The following MACROD2 variants were observed in gnomAD, a reference collection of about 807,000 sequenced individuals.
The protein encoded by MACROD2 is ADP-ribose glycohydrolase MACROD2.
MACROD2 carries 36 observed loss-of-function variants against 70.4 expected under a neutral mutation model. That is an observed-to-expected ratio of 0.51 (90% CI 0.39 to 0.68). The LOEUF (loss-of-function observed/expected upper bound fraction) is 0.68, where lower values mean the gene tolerates loss of function less well. Among genes scored for constraint, MACROD2 ranks in the 30% least tolerant of loss-of-function variants. The probability of loss-of-function intolerance (pLI) is 0.00; values close to 1 mark genes in which losing one functional copy is unlikely to be tolerated. For synonymous variants in MACROD2, 172 were observed against 178.8 expected, an observed-to-expected ratio of 0.96 and a Z score of 0.30; for missense variants, 496 against 538.4, an observed-to-expected ratio of 0.92 and a Z score of 0.78.
intron 4 of MACROD2, among the ~76,000 whole-genome samples, chr20:14,619,523 G>C: frequency 9.0e-6 from 1 of 110,858 alleles, no homozygotes; most frequent in Non-Finnish European, 2.0e-5. Context: ...AAGGAGGGAA[G>C]GAGGGAGGGA....
chr20:15,114,164 T>G (rs1192111608), intron 5 of MACROD2, among the ~76,000 whole-genome samples: 2 of 152,194 alleles, frequency 1.3e-5, no homozygotes, highest in South Asian at 2.1e-4. Context: ...TTAGCTGTCC[T>G]GCATCAGACC....
At chr20:14,979,701 TGA>T (rs1466296114) in intron 5 of MACROD2, among the ~76,000 whole-genome samples, 32 of 152,240 alleles carry the variant, frequency 2.1e-4, no homozygotes, top group Non-Finnish European at 4.4e-5. Context: ...GCTAGTTCAA[TGA>T]GTCATTTTGC....
chr20:14,830,164 G>T (rs1474417794), intron 5 of MACROD2, among the ~76,000 whole-genome samples: 2 of 152,084 alleles, frequency 1.3e-5, no homozygotes, highest in African/African-American at 4.8e-5. Context: ...CCAGAATTCA[G>T]TGAAACCTCT....
At chr20:15,743,173 A>G (rs1000758930) in intron 8 of MACROD2, among the ~76,000 whole-genome samples, 1 of 152,158 alleles carries the variant, frequency 6.6e-6, no homozygotes, top group Non-Finnish European at 1.5e-5. Context: ...CTCTGTAGCT[A>G]ACCAGGCCTG....
intron 5 of MACROD2, among the ~76,000 whole-genome samples, chr20:14,993,561 A>G (rs2074924738): frequency 6.6e-6 from 1 of 152,204 alleles, no homozygotes. Flanking sequence ...CTGAAAGCTC[A>G]TTCTATTCTT....
intron 8 of MACROD2, among the ~76,000 whole-genome samples, chr20:15,719,508 G>A (rs980810799): frequency 1.3e-5 from 2 of 152,150 alleles, no homozygotes; most frequent in African/African-American, 2.4e-5. Context: ...CCAAAAGCTT[G>A]TTTTGAATCT....
At chr20:14,318,660 C>G (rs2082633699) in intron 3 of MACROD2, among the ~76,000 whole-genome samples, 1 of 152,158 alleles carries the variant, frequency 6.6e-6, no homozygotes, top group Non-Finnish European at 1.5e-5. Flanking sequence ...TTCTTAATGT[C>G]TATACTATTT....
At chr20:15,060,453 C>G (rs2075523319) in intron 5 of MACROD2, among the ~76,000 whole-genome samples, 1 of 152,188 alleles carries the variant, frequency 6.6e-6, no homozygotes, top group South Asian at 2.1e-4. Context: ...ACTGCAGACC[C>G]ACAGAGGCAA....
At chr20:15,835,080 G>C (rs2064098478) in intron 8 of MACROD2, among the ~76,000 whole-genome samples, 1 of 152,186 alleles carries the variant, frequency 6.6e-6, no homozygotes, top group Non-Finnish European at 1.5e-5. Context: ...AGAGGATCCA[G>C]GGCCTCCTGC....
At chr20:14,804,030 A>G (rs1324901875) in intron 5 of MACROD2, among the ~76,000 whole-genome samples, 1 of 152,060 alleles carries the variant, frequency 6.6e-6, no homozygotes, top group African/African-American at 2.4e-5. Context: ...GTTGGTAATT[A>G]TTTAGCAAAA....
chr20:15,147,429 ATTT>A (rs11469255), intron 5 of MACROD2, among the ~76,000 whole-genome samples: 3,731 of 149,244 alleles, frequency 0.025, 59 homozygotes, highest in African/African-American at 0.048. Context: ...CGGAGTTAGC[ATTT>A]TTTTTTTTTT....
intron 5 of MACROD2, among the ~76,000 whole-genome samples, chr20:15,004,947 T>C (rs544547743): frequency 4.6e-5 from 7 of 152,252 alleles, no homozygotes; most frequent in Admixed American, 3.3e-4. Context: ...TCCTCCAAAG[T>C]TGGAATATTG....
intron 8 of MACROD2, among the ~76,000 whole-genome samples, chr20:15,751,606 C>T (rs745720640): frequency 6.6e-6 from 1 of 151,724 alleles, no homozygotes; most frequent in Non-Finnish European, 1.5e-5. Context: ...AATATTGTCT[C>T]TAGGATTTAC....
At chr20:14,715,100 G>A (rs1390425936) in intron 5 of MACROD2, among the ~76,000 whole-genome samples, 1 of 152,154 alleles carries the variant, frequency 6.6e-6, no homozygotes, top group Non-Finnish European at 1.5e-5. Flanking sequence ...CATGGCTGGG[G>A]AGGCCTCAGG....
chr20:15,948,843 G>A (rs766970), intron 12 of MACROD2, among the ~76,000 whole-genome samples: 130,213 of 152,130 alleles, frequency 0.86, 56,331 homozygotes, highest in Non-Finnish European at 0.93. Flanking sequence ...TCCATTACAT[G>A]CTCTCTTGGG....
At chr20:15,187,216 G>A (rs2076540080) in intron 5 of MACROD2, among the ~76,000 whole-genome samples, 1 of 152,120 alleles carries the variant, frequency 6.6e-6, no homozygotes, top group Non-Finnish European at 1.5e-5. Flanking sequence ...TGTGACTTTA[G>A]GCAAATGACA....
chr20:14,374,041 A>G (rs959957766), intron 3 of MACROD2, among the ~76,000 whole-genome samples: 6 of 152,112 alleles, frequency 3.9e-5, no homozygotes, highest in Admixed American at 2.6e-4. Flanking sequence ...TCTTTGCATG[A>G]CATTATTTAC....
intron 8 of MACROD2, among the ~76,000 whole-genome samples, chr20:15,569,417 T>C (rs2048348251): frequency 6.6e-6 from 1 of 152,182 alleles, no homozygotes; most frequent in African/African-American, 2.4e-5. Context: ...ACTTTAATTC[T>C]TTAGCATTTT....
chr20:14,754,396 T>C (rs1456553053), intron 5 of MACROD2, among the ~76,000 whole-genome samples: 2 of 152,184 alleles, frequency 1.3e-5, no homozygotes, highest in African/African-American at 4.8e-5. Context: ...CCAAGAGATG[T>C]TATTAACTGT....
Sources: gnomAD v4.1 joint callset for allele counts (sites outside exome capture counted in the v4.1 genomes callset) on GRCh38, gnomAD v4.1.1 for gene constraint, MANE v1.5 for transcripts, NCBI Gene and HGNC (gene_info 2026-07-23, HGNC 2026-07-21) for gene names.